The following DNAH7 variants were observed in gnomAD, a reference collection of about 807,000 sequenced individuals.
DNAH7 encodes axonemal beta dynein heavy chain 7.
DNAH7 carries 397 observed loss-of-function variants against 444.6 expected under a neutral mutation model. That is an observed-to-expected ratio of 0.89 (90% CI 0.82 to 0.97). The LOEUF (loss-of-function observed/expected upper bound fraction) is 0.97, where lower values mean the gene tolerates loss of function less well. Ranked by LOEUF, DNAH7 falls within the 50% of genes least tolerant of loss-of-function variation. The pLI, the probability that DNAH7 is intolerant of heterozygous loss-of-function variation, is 0.00. For synonymous variants in DNAH7, 1,636 were observed against 1,624.4 expected (o/e 1.01, Z -0.17); for missense variants, 4,902 against 4,800.8 (o/e 1.02, Z -0.62).
At chr2:195,759,963 C>T (rs1694272182) in intron 61 of DNAH7, among the ~76,000 whole-genome samples, 1 of 152,176 alleles carries the variant, frequency 6.6e-6, no homozygotes, top group Admixed American at 6.5e-5. Flanking sequence ...TAGGTGTGAT[C>T]CACTGCACCT....
intron 24 of DNAH7, among the ~76,000 whole-genome samples, chr2:195,912,789 A>G (rs900033588): frequency 2.0e-5 from 3 of 152,182 alleles, no homozygotes; most frequent in African/African-American, 7.2e-5. Flanking sequence ...TCAACCTCCA[A>G]TACTGGGGGA....
chr2:195,773,632 T>C (rs1371777764), intron 60 of DNAH7, among the ~76,000 whole-genome samples: 4 of 152,202 alleles, frequency 2.6e-5, no homozygotes, highest in Non-Finnish European at 5.9e-5. Context: ...CTTTTTCTTC[T>C]TTACTATCTT....
chr2:195,787,256 T>TG, intron 57 of DNAH7, 85 bp from the exon 58 acceptor site: 1 of 1,386,148 alleles, frequency 7.2e-7, no homozygotes, highest in Non-Finnish European at 9.8e-7. Context: ...AAAGCAAATT[T>TG]CTTTCATTTA....
intron 58 of DNAH7, among the ~76,000 whole-genome samples, chr2:195,780,262 TTTC>T (rs1237147069): frequency 1.1e-4 from 17 of 152,242 alleles, no homozygotes; most frequent in African/African-American, 2.9e-4. Context: ...ACCATTTGTA[TTTC>T]TTATTTTATA....
In DNAH7 at chr2:195,936,684, T is replaced by G. The variant is rs763261092; in HGVS notation, c.3187A>C (p.Lys1063Gln). Residue 1063 changes from lysine (K) to glutamine (Q), a missense_variant, in exon 20 of 65, where the codon AAG becomes CAG. Coordinates refer to ENST00000312428, the MANE Select transcript of DNAH7 (RefSeq NM_018897.3). ...ILKGLNEYLEKKRLFFPRFFF... is the reference protein window; with the variant it reads ...ILKGLNEYLEQKRLFFPRFFF... ...AATCTGGGGAAAAAGAGGCGTTTCT[T>G]TTCCAAATATTCATTAAGTCCTTTA... The G allele has an allele frequency of 1.2e-6, 2 of 1,604,754 alleles. No homozygotes were observed. Among genetic ancestry groups the G allele is most frequent in the Admixed American group, 1.7e-5 (1 of 58,452 alleles).
At position 195,864,321 on chromosome 2, in the gene DNAH7, T is replaced by C; in HGVS notation, c.7334A>G (p.Asp2445Gly). ...GCTGCCATCTGTTTGCTTGGTTTTA[T>C]CCCGCTGGCGATCTAACTGACGCAT... Reference protein sequence around the residue: ...DKMRQLDRQRDKTKQTDGSPI... With the variant: ...DKMRQLDRQRGKTKQTDGSPI... Residue 2445 changes from aspartate (D) to glycine (G), a missense_variant, in exon 41 of 65, where the codon GAT becomes GGT. Coordinates refer to ENST00000312428, the MANE Select transcript of DNAH7 (RefSeq NM_018897.3). 6.2e-7 allele frequency: 1 copy of C among 1,614,178 alleles called. No individual in the cohort carries two copies. The highest frequency in any genetic ancestry group is 8.5e-7 in the Non-Finnish European group (1 of 1,180,032).
In DNAH7 at chr2:195,794,551, A is replaced by C; in HGVS notation, c.10516-13T>G. On this transcript the variant is annotated splice_polypyrimidine_tract_variant and intron_variant, in intron 56 of 64. Coordinates refer to ENST00000312428, the MANE Select transcript of DNAH7 (RefSeq NM_018897.3). ...CTGGGCTTAACTCCTGTAAGAAAAT[A>C]AATCAGATACAAAAGAGTAAATAAA... is the stretch of plus-strand genomic sequence containing the variant. The C allele has an allele frequency of 6.2e-7, 1 of 1,612,646 alleles. No individual in the cohort carries two copies. Among genetic ancestry groups the C allele is most frequent in the Non-Finnish European group, 8.5e-7 (1 of 1,178,602 alleles).
intron 17 of DNAH7, 47 bp downstream of exon 17, chr2:195,969,901 T>G: frequency 6.4e-7 from 1 of 1,567,296 alleles, no homozygotes; most frequent in Non-Finnish European, 8.6e-7. Flanking sequence ...AATTCAATGC[T>G]TTTTCAATTG....
chr2:195,884,984 C>T (rs975028541), intron 34 of DNAH7, among the ~76,000 whole-genome samples, 175 bp from the exon 35 acceptor site: 7 of 152,086 alleles, frequency 4.6e-5, no homozygotes, highest in South Asian at 4.2e-4. Context: ...AAAATCAAAT[C>T]GCATGCTTAT....
chr2:195,918,305 A>G (rs1687810971), intron 24 of DNAH7, among the ~76,000 whole-genome samples: 1 of 152,260 alleles, frequency 6.6e-6, no homozygotes, highest in African/African-American at 2.4e-5. Context: ...ACTCTCATTC[A>G]CTGCTGATGG....
chr2:195,930,222 A>G (rs1291576154), intron 21 of DNAH7, among the ~76,000 whole-genome samples: 1 of 152,210 alleles, frequency 6.6e-6, no homozygotes, highest in Non-Finnish European at 1.5e-5. Context: ...GCACGCCTGT[A>G]GTACCAGCCA....
In DNAH7 at chr2:195,960,387, A is replaced by G. The variant is rs199594359; in HGVS notation, c.2764T>C (p.Tyr922His). The stretch of plus-strand genomic sequence containing the variant: ...AAAATAAATGTCCCAGTTTCTCTAT[A>G]AGAATGGATGACAAATTCCACTGCA... The part of the protein sequence containing the change: ...WDAVEFVIHS[Y>H]RETGTFILAS... The change falls in exon 18 of 65, where the codon TAT (tyrosine) becomes CAT (histidine). Residue 922 changes from tyrosine to histidine, a missense_variant. Transcript: ENST00000312428. 127 of 1,614,034 alleles carry G rather than the reference A, an allele frequency of 7.9e-5. No individual in the cohort carries two copies. Among genetic ancestry groups the G allele is most frequent in the Non-Finnish European group, 5.8e-5 (69 of 1,180,024 alleles).
At chr2:195,996,006 A>G (rs1186488383) in intron 12 of DNAH7, among the ~76,000 whole-genome samples, 1 of 152,350 alleles carries the variant, frequency 6.6e-6, no homozygotes, top group South Asian at 2.1e-4. Context: ...TAACATAGTT[A>G]ATTCTTCCCA....
At chr2:195,905,570 C>T (rs531227604) in intron 27 of DNAH7, 1 of 152,216 alleles carries the variant, frequency 6.6e-6, no homozygotes, top group African/African-American at 2.4e-5. Context: ...AGGATCTAGT[C>T]AGGAGATTTG....
intron 47 of DNAH7, among the ~76,000 whole-genome samples, chr2:195,843,246 T>C (rs1302409918): frequency 1.3e-5 from 2 of 152,210 alleles, no homozygotes; most frequent in African/African-American, 4.8e-5. Flanking sequence ...GCTGCCCTTC[T>C]GTGCTTTGTA....
At chr2:196,022,772 T>G (rs1695457775) in intron 8 of DNAH7, among the ~76,000 whole-genome samples, 1 of 152,192 alleles carries the variant, frequency 6.6e-6, no homozygotes, top group Non-Finnish European at 1.5e-5. Flanking sequence ...AATCACAAAT[T>G]TTCTTAACGG....
At chr2:196,010,238 C>T (rs959112068) in intron 10 of DNAH7, among the ~76,000 whole-genome samples, 3 of 151,958 alleles carry the variant, frequency 2.0e-5, no homozygotes, top group Admixed American at 6.6e-5. Flanking sequence ...CAACTTCCAC[C>T]TCCCAGGTTC....
rs754773680 is a variant in DNAH7 at position 195,806,765 on chromosome 2, A to G, written c.10151T>C (p.Ile3384Thr). Residue 3384 changes from isoleucine to threonine, a missense_variant, in exon 54 of 65, where the codon ATT becomes ACT. Ile to Thr is a moderately conservative substitution (Grantham distance 89). Transcript: ENST00000312428. ...DKANEFQRMLIIRCLRPDKVI... is the reference protein window; with the variant it reads ...DKANEFQRMLTIRCLRPDKVI... ...CTTGTCTGGCCTCAAGCAACGAATA[A>G]TAAGCATCCTTTGAAACTCATTTGC... 2 of 1,613,598 alleles carry G rather than the reference A, an allele frequency of 1.2e-6. No individual in the cohort carries two copies. The highest frequency in any genetic ancestry group is 1.7e-5 in the Admixed American group (1 of 59,976).
chr2:195,861,622 C>A (rs1038683701), intron 42 of DNAH7, 95 bp downstream of exon 42: 13 of 822,446 alleles, frequency 1.6e-5, no homozygotes, highest in Non-Finnish European at 2.3e-5. Context: ...TATATTTCTA[C>A]GAAATAAATC....
Sources: allele counts gnomAD v4.1 joint callset (sites outside exome capture counted in the v4.1 genomes callset), GRCh38; gene constraint gnomAD v4.1.1; transcripts MANE v1.5; gene names NCBI Gene and HGNC (gene_info 2026-07-23, HGNC 2026-07-21).